ADGRL4: variants seen among roughly 807,000 people sequenced by gnomAD.
The protein encoded by ADGRL4 is adhesion G protein-coupled receptor L4, also known as EGF, latrophilin and seven transmembrane domain containing 1.
Under a neutral mutation model 74.8 loss-of-function variants are expected in ADGRL4, and 90 were observed. The ratio of observed to expected loss-of-function variants is 1.20; its 90% CI spans 1.02 to 1.43. The LOEUF is 1.43. Ranked by LOEUF, ADGRL4 falls within the 40% of genes most tolerant of loss-of-function variation. ADGRL4 has a pLI of 0.00. For synonymous variants in ADGRL4, 311 were observed against 279.2 expected (o/e 1.11, Z -1.14); for missense variants, 881 against 814.3 (o/e 1.08, Z -1.00).
chr1:78,968,779 C>T (rs1650110904), intron 2 of ADGRL4, among the ~76,000 whole-genome samples: 1 of 152,112 alleles, frequency 6.6e-6, no homozygotes, highest in Non-Finnish European at 1.5e-5. Context: ...AACTGTAACT[C>T]CCATGAAAAT....
At chr1:78,954,595 T>C (rs767420438) in intron 2 of ADGRL4, among the ~76,000 whole-genome samples, 53 of 152,250 alleles carry the variant, frequency 3.5e-4, no homozygotes, top group Non-Finnish European at 7.5e-4. Flanking sequence ...ACAATAAACA[T>C]ACTTAAATTT....
chr1:78,981,530 A>T (rs1650397519), intron 2 of ADGRL4, among the ~76,000 whole-genome samples: 1 of 151,934 alleles, frequency 6.6e-6, no homozygotes, highest in Non-Finnish European at 1.5e-5. Context: ...TTAAAAAGCC[A>T]TTGCAGTCAG....
chr1:78,942,253 GGGAAGGT>G (rs1649502321), intron 3 of ADGRL4, among the ~76,000 whole-genome samples: 1 of 151,340 alleles, frequency 6.6e-6, no homozygotes, highest in Non-Finnish European at 1.5e-5. Context: ...GAAAATGTAT[GGGAAGGT>G]GGAATAGTGC....
At chr1:78,986,421 C>T (rs12129889) in intron 2 of ADGRL4, among the ~76,000 whole-genome samples, 16,592 of 151,360 alleles carry the variant, frequency 0.11, 946 homozygotes, top group Admixed American at 0.13. Flanking sequence ...GCAACAGAGT[C>T]AGACCCTGTC....
chr1:78,940,393 T>C (rs11162577), intron 3 of ADGRL4, among the ~76,000 whole-genome samples: 43,793 of 151,958 alleles, frequency 0.29, 6,354 homozygotes, highest in Middle Eastern at 0.32. Context: ...TAATACATTA[T>C]ATAGAATTAA....
intron 2 of ADGRL4, among the ~76,000 whole-genome samples, chr1:78,981,386 A>G (rs1373039203): frequency 6.6e-6 from 1 of 152,016 alleles, no homozygotes; most frequent in Non-Finnish European, 1.5e-5. Context: ...ATTTCATAAT[A>G]TTTCAAATTA....
intron 2 of ADGRL4, among the ~76,000 whole-genome samples, chr1:78,974,218 A>G (rs1039618499): frequency 3.3e-5 from 5 of 152,130 alleles, no homozygotes; most frequent in African/African-American, 1.2e-4. Context: ...AAATTATTTA[A>G]TAATTGCCTA....
intron 2 of ADGRL4, among the ~76,000 whole-genome samples, chr1:78,947,243 G>GA (rs1649621856): frequency 6.6e-6 from 1 of 152,098 alleles, no homozygotes; most frequent in Non-Finnish European, 1.5e-5. Context: ...GACATTGTTT[G>GA]AAATAGGCCC....
chr1:78,896,929 A>G (rs771168956), intron 12 of ADGRL4, among the ~76,000 whole-genome samples: 1 of 152,124 alleles, frequency 6.6e-6, no homozygotes, highest in African/African-American at 2.4e-5. Context: ...TACCCCATGC[A>G]CCATGCCATA....
At chr1:78,961,015 G>GT (rs1220418083) in intron 2 of ADGRL4, among the ~76,000 whole-genome samples, 4 of 151,952 alleles carry the variant, frequency 2.6e-5, no homozygotes, top group East Asian at 3.9e-4. Context: ...AATTGAGTAA[G>GT]TTTTTTTCAT....
intron 12 of ADGRL4, among the ~76,000 whole-genome samples, chr1:78,913,463 T>C (rs917731920): frequency 2.0e-5 from 3 of 151,968 alleles, no homozygotes; most frequent in African/African-American, 7.2e-5. Context: ...TGAGTTCATG[T>C]CCTTTGCAGG....
At chr1:78,968,507 G>A (rs1305729927) in intron 2 of ADGRL4, among the ~76,000 whole-genome samples, 2 of 141,418 alleles carry the variant, frequency 1.4e-5, no homozygotes, top group African/African-American at 5.1e-5. Context: ...GGGCGGTGGG[G>A]GGGTGGGGGG....
In ADGRL4 at chr1:78,930,726, G is replaced by A. The variant is rs1269906092; in HGVS notation, c.878-3635C>T. On this transcript the variant is annotated intron_variant, in intron 7 of 14. Coordinates refer to ENST00000370742, the MANE Select transcript of ADGRL4 (RefSeq NM_022159.4). ...GGACTCACAAAGTGTTGGGATTACAGGCGCGAGCCACCGTGCTTGGTCTGG... is the reference window on the plus strand; with the variant it reads ...GGACTCACAAAGTGTTGGGATTACAAGCGCGAGCCACCGTGCTTGGTCTGG... Among the ~76,000 whole-genome samples the A allele has an allele frequency of 2.6e-5, 4 of 151,192 alleles. 1 individual carries two copies. Among genetic ancestry groups the A allele is most frequent in the African/African-American group, 7.4e-5 (3 of 40,616 alleles).
intron 2 of ADGRL4, among the ~76,000 whole-genome samples, chr1:78,962,920 G>A (rs114978169): frequency 0.013 from 2,002 of 152,176 alleles, 19 homozygotes; most frequent in Non-Finnish European, 0.023. Flanking sequence ...GTTCATGGAA[G>A]TTCATCTTTT....
chr1:78,901,003 C>G (rs1648504069), intron 12 of ADGRL4, among the ~76,000 whole-genome samples: 1 of 151,408 alleles, frequency 6.6e-6, no homozygotes, highest in Admixed American at 6.6e-5. Context: ...AAAATAAATA[C>G]TAATTTATAG....
intron 2 of ADGRL4, among the ~76,000 whole-genome samples, chr1:78,993,844 A>G (rs1360047507): frequency 1.3e-5 from 2 of 152,118 alleles, no homozygotes; most frequent in African/African-American, 4.8e-5. Flanking sequence ...AAGTGCTGGG[A>G]TTACAGGCAT....
chr1:78,992,202 T>A (rs190629510), intron 2 of ADGRL4, among the ~76,000 whole-genome samples: 10 of 152,164 alleles, frequency 6.6e-5, no homozygotes, highest in Admixed American at 1.3e-4. Flanking sequence ...GTTAATTTCC[T>A]CCTTAAAATA....
At position 78,923,423 on chromosome 1, in the gene ADGRL4, C is replaced by T. The variant is rs1171446612; in HGVS notation, c.1084-1637G>A. ...ACTGACATTCGGGATCTTCCAATGC[C>T]ATGGCCAGGAGCCTGCCTGATGAAA... On this transcript the variant is annotated intron_variant, in intron 8 of 14. Transcript: ENST00000370742. 3.3e-5 allele frequency among the ~76,000 whole-genome samples: 5 copies of T among 152,020 alleles called. 1 individual carries two copies. Among genetic ancestry groups the T allele is most frequent in the Non-Finnish European group, 5.9e-5 (4 of 67,962 alleles).
At position 78,927,091 on chromosome 1, in the gene ADGRL4, C is replaced by T. The variant is rs1218625458; in HGVS notation, c.878G>A (p.Gly293Asp). ...PKRKAAYDSN[G>D]NVAVAFVYYK... Reference sequence around the variant, plus strand: ...ATATACAAATGCAACTGCAACATTGCCTATCAATCAAATAAGTATATTTAG... The same window carrying T: ...ATATACAAATGCAACTGCAACATTGTCTATCAATCAAATAAGTATATTTAG... Residue 293 changes from glycine (G) to aspartate (D), a missense_variant and splice_region_variant, in exon 8 of 15, where the codon GGC (glycine) becomes GAC (aspartate). By Grantham distance (94) the Gly-to-Asp change is moderately conservative (BLOSUM62 -1). Transcript: ENST00000370742. The T allele has an allele frequency of 1.3e-6, 2 of 1,552,898 alleles. No homozygotes were observed. Among genetic ancestry groups the T allele is most frequent in the East Asian group, 2.3e-5 (1 of 44,282 alleles).
Sources: gnomAD v4.1 joint callset for allele counts (sites outside exome capture counted in the v4.1 genomes callset) on GRCh38, gnomAD v4.1.1 for gene constraint, MANE v1.5 for transcripts, NCBI Gene and HGNC (gene_info 2026-07-23, HGNC 2026-07-21) for gene names.